Variants in SLCO3A1 observed in about 807,000 individuals in gnomAD.
SLCO3A1 encodes PGE1 transporter.
Under a neutral mutation model 63.1 loss-of-function variants are expected in SLCO3A1, and 27 were observed. The observed-to-expected ratio is 0.43, with a 90% CI of 0.32 to 0.59. SLCO3A1 has a LOEUF of 0.59. Among genes scored for constraint, SLCO3A1 ranks in the 20% least tolerant of loss-of-function variants. The probability of loss-of-function intolerance (pLI) is 0.09; values close to 1 mark genes in which losing one functional copy is unlikely to be tolerated. For missense variants in SLCO3A1, 773 were observed against 945.8 expected (o/e 0.82, Z 2.40); for synonymous variants, 473 against 409.9 (o/e 1.15, Z -1.86).
chr15:92,031,965 G>A (rs1258620442), intron 2 of SLCO3A1, among the ~76,000 whole-genome samples: 4 of 152,066 alleles, frequency 2.6e-5, no homozygotes, highest in Non-Finnish European at 5.9e-5. Flanking sequence ...AGGAATTTTC[G>A]AGCCTCAGTA....
chr15:91,955,954 T>C (rs536983676), intron 2 of SLCO3A1, among the ~76,000 whole-genome samples: 1 of 152,244 alleles, frequency 6.6e-6, no homozygotes, highest in East Asian at 1.9e-4. Context: ...CAGAAGGTAT[T>C]GTTTTTACTA....
chr15:92,029,876 T>A (rs1266685463), intron 2 of SLCO3A1, among the ~76,000 whole-genome samples: 1 of 145,802 alleles, frequency 6.9e-6, no homozygotes, highest in Non-Finnish European at 1.5e-5. Context: ...TATGATTCAA[T>A]CAGGCACCTT....
At chr15:92,124,132 C>A (rs144719511) in intron 5 of SLCO3A1, among the ~76,000 whole-genome samples, 1 of 152,202 alleles carries the variant, frequency 6.6e-6, no homozygotes, top group Non-Finnish European at 1.5e-5. Context: ...CACTGGCCCC[C>A]CTTCCACCCC....
chr15:91,946,224 T>C (rs887855902), intron 2 of SLCO3A1, among the ~76,000 whole-genome samples: 1 of 152,168 alleles, frequency 6.6e-6, no homozygotes, highest in Non-Finnish European at 1.5e-5. Flanking sequence ...GCGTCTTCTC[T>C]GCGGAGAGGT....
chr15:91,916,370 C>T lies in SLCO3A1; in HGVS notation c.558C>T (p.Leu186=), dbSNP rs779152050. 2 of 1,612,644 alleles carry T rather than the reference C, an allele frequency of 1.2e-6. No homozygotes were observed. The highest frequency in any genetic ancestry group is 1.7e-6 in the Non-Finnish European group (2 of 1,179,648). ...TGCTGCTCATTGGGGCCCAGGTGCTCCTGGGCATCGGTGCTACCCCTGTGC... is the reference window on the plus strand; with the variant it reads ...TGCTGCTCATTGGGGCCCAGGTGCTTCTGGGCATCGGTGCTACCCCTGTGC... ...MYLLLIGAQV[L]LGIGATPVQP... is the part of the protein sequence containing the mutation. Residue 186 remains leucine (L), a synonymous_variant, in exon 2 of 10, where the codon CTC becomes CTT. Coordinates refer to ENST00000318445, the MANE Select transcript of SLCO3A1 (RefSeq NM_013272.4). This position sits in a 1 kb window ranked among gnomAD's most constrained non-coding sequence, Gnocchi z 6.2.
At chr15:92,137,139 G>GCAGTC (rs1021181983) in intron 7 of SLCO3A1, among the ~76,000 whole-genome samples, 24 of 137,076 alleles carry the variant, frequency 1.8e-4, no homozygotes, top group Non-Finnish European at 3.1e-4. Context: ...CCACCCCACA[G>GCAGTC]CAGTCCCCAG....
At chr15:92,077,104 A>G (rs1487084314) in intron 2 of SLCO3A1, among the ~76,000 whole-genome samples, 5 of 152,168 alleles carry the variant, frequency 3.3e-5, no homozygotes, top group East Asian at 1.9e-4. Context: ...TAAACCCATC[A>G]GAACTCGTGA....
intron 2 of SLCO3A1, among the ~76,000 whole-genome samples, chr15:92,072,119 A>G (rs187822662): frequency 6.6e-6 from 1 of 151,950 alleles, no homozygotes; most frequent in Admixed American, 6.5e-5. Flanking sequence ...GTTTCAAGGG[A>G]TTTGGATGGT....
intron 2 of SLCO3A1, among the ~76,000 whole-genome samples, chr15:92,026,230 T>A (rs990952252): frequency 6.6e-6 from 1 of 152,160 alleles, no homozygotes; most frequent in Non-Finnish European, 1.5e-5. Context: ...GGGTGTGACC[T>A]CCCAATTTGA....
intron 1 of SLCO3A1, among the ~76,000 whole-genome samples, chr15:91,873,072 G>C (rs1224832482): frequency 6.6e-6 from 1 of 152,190 alleles, no homozygotes; most frequent in Admixed American, 6.5e-5. Context: ...CAAAATTACA[G>C]AGTGTTCTGT....
intron 2 of SLCO3A1, among the ~76,000 whole-genome samples, chr15:92,057,650 C>G (rs978560907): frequency 1.1e-4 from 16 of 152,164 alleles, no homozygotes; most frequent in African/African-American, 3.6e-4. Flanking sequence ...GCTTGAGCCT[C>G]CAGACATTGA....
rs1246079287 is a variant in SLCO3A1 at position 92,163,197 on chromosome 15, GAAAA to G, written c.*66_*69del. The stretch of plus-strand genomic sequence containing the variant: ...AAGGGTCATTTTTTTCTTAAAAAAA[GAAAA>G]AAAGGTTCCAAAAAAAACCAAAACT... On this transcript the variant is annotated 3_prime_UTR_variant, in exon 10 of 10. Transcript: ENST00000318445. 7 of 1,428,906 alleles carry G rather than the reference GAAAA, an allele frequency of 4.9e-6. No homozygotes were observed. The highest frequency in any genetic ancestry group is 2.7e-5 in the Admixed American group (1 of 37,302). The allele number at this position is 1,428,906 out of a possible 1,614,324, so 88.5% of individuals were successfully genotyped here.
At chr15:92,039,736 A>T (rs1400745298) in intron 2 of SLCO3A1, among the ~76,000 whole-genome samples, 1 of 152,242 alleles carries the variant, frequency 6.6e-6, no homozygotes, top group Non-Finnish European at 1.5e-5. Flanking sequence ...AAGGAATGTA[A>T]ATCATTCTAC....
chr15:92,070,019 C>G (rs574039914), intron 2 of SLCO3A1, among the ~76,000 whole-genome samples: 2 of 152,350 alleles, frequency 1.3e-5, no homozygotes, highest in East Asian at 3.9e-4. Flanking sequence ...AGACTCTATT[C>G]TGTTGCGTTG....
rs182355662 is a variant in SLCO3A1 at position 92,032,612 on chromosome 15, G to A, written c.647-62269G>A. ...AAACTGGGTGAAAGCTTTGGGTAGTGGAGGTGCTCTCTGGGTTTTGGCAGA... is the reference window on the plus strand; with the variant it reads ...AAACTGGGTGAAAGCTTTGGGTAGTAGAGGTGCTCTCTGGGTTTTGGCAGA... On this transcript the variant is annotated intron_variant, in intron 2 of 9. Transcript: ENST00000318445. Among the ~76,000 whole-genome samples, 748 of 151,090 alleles carry A rather than the reference G, an allele frequency of 5.0e-3. 25 individuals carry two copies. The highest frequency in any genetic ancestry group is 0.042 in the Admixed American group (643 of 15,142).
At chr15:92,004,564 A>G (rs1410051728) in intron 2 of SLCO3A1, among the ~76,000 whole-genome samples, 1 of 152,190 alleles carries the variant, frequency 6.6e-6, no homozygotes, top group Admixed American at 6.5e-5. Flanking sequence ...TTTTATTGAC[A>G]AACAGAACAC....
chr15:92,010,837 T>C (rs2046360992), intron 2 of SLCO3A1, among the ~76,000 whole-genome samples: 2 of 152,156 alleles, frequency 1.3e-5, no homozygotes. Context: ...GTCTCTATGA[T>C]CCAATCAACT....
intron 2 of SLCO3A1, among the ~76,000 whole-genome samples, chr15:91,932,694 C>T (rs890990677): frequency 6.6e-6 from 1 of 152,188 alleles, no homozygotes; most frequent in African/African-American, 2.4e-5. Context: ...CTGCCTGCCT[C>T]GGCCTCCCAA....
intron 2 of SLCO3A1, among the ~76,000 whole-genome samples, chr15:92,073,446 G>A (rs1035687080): frequency 1.3e-5 from 2 of 152,200 alleles, no homozygotes; most frequent in African/African-American, 4.8e-5. Flanking sequence ...AAAGCCAAGA[G>A]CTCTAGAATT....
Sources: gnomAD v4.1 joint callset for allele counts (sites outside exome capture counted in the v4.1 genomes callset) on GRCh38, gnomAD v4.1.1 for gene constraint, Gnocchi (gnomAD v3.1) non-coding constraint, MANE v1.5 for transcripts, NCBI Gene and HGNC (gene_info 2026-07-23, HGNC 2026-07-21) for gene names.